C8A: variants seen among roughly 807,000 people sequenced by gnomAD.
C8A encodes complement C8 alpha chain.
C8A carries 67 observed loss-of-function variants against 65.3 expected under a neutral mutation model. The observed-to-expected ratio is 1.03, with a 90% CI of 0.84 to 1.26. C8A has a LOEUF of 1.26. Among genes scored for constraint, C8A ranks in the 50% most tolerant of loss-of-function variants. C8A has a pLI of 0.00. For missense variants in C8A, 781 were observed against 723.9 expected (o/e 1.08, Z -0.90); for synonymous variants, 290 against 259.4 (o/e 1.12, Z -1.13).
At chr1:56,879,625 A>G (rs1318711031) in intron 4 of C8A, among the ~76,000 whole-genome samples, 1 of 152,180 alleles carries the variant, frequency 6.6e-6, no homozygotes, top group Admixed American at 6.5e-5. Flanking sequence ...AAATCCAGCT[A>G]TGACTAGAGA....
intron 7 of C8A, among the ~76,000 whole-genome samples, chr1:56,905,975 C>A (rs1644461007): frequency 6.6e-6 from 1 of 152,114 alleles, no homozygotes; most frequent in South Asian, 2.1e-4. Context: ...TCAGTGGGTC[C>A]TCAGATGTAG....
chr1:56,915,505 A>G (rs943989221), intron 10 of C8A, among the ~76,000 whole-genome samples: 1 of 152,224 alleles, frequency 6.6e-6, no homozygotes, highest in Admixed American at 6.5e-5. Context: ...CTTCCCAAGC[A>G]GGGTATGGAC....
In C8A at chr1:56,884,128, T is replaced by C. The variant is rs532595772; in HGVS notation, c.855+447T>C. ...AACCTTCACCATTAAGTGCCTATTATCCTGGGGGGTCAATATATGCTTCCT... is the reference window on the plus strand; with the variant it reads ...AACCTTCACCATTAAGTGCCTATTACCCTGGGGGGTCAATATATGCTTCCT... On this transcript the variant is annotated intron_variant, in intron 6 of 10. Transcript: ENST00000361249. Among the ~76,000 whole-genome samples the C allele has an allele frequency of 1.6e-4, 25 of 151,908 alleles. No individual in the cohort carries two copies. The South Asian group carries it at 5.0e-3, about 30-fold the overall frequency.
chr1:56,875,999 T>C, intron 3 of C8A, 63 bp from the exon 4 acceptor site: 1 of 1,581,778 alleles, frequency 6.3e-7, no homozygotes, highest in Non-Finnish European at 8.6e-7. Flanking sequence ...GACTTACTGA[T>C]TGTGGGTGTG....
intron 1 of C8A, among the ~76,000 whole-genome samples, chr1:56,855,514 A>G (rs1643965273): frequency 6.6e-6 from 1 of 152,146 alleles, no homozygotes; most frequent in Non-Finnish European, 1.5e-5. Flanking sequence ...ATGCTGGGTC[A>G]TTTGATTCTA....
chr1:56,872,746 T>C (rs1431602575), intron 2 of C8A, among the ~76,000 whole-genome samples: 2 of 152,146 alleles, frequency 1.3e-5, no homozygotes. Flanking sequence ...GAAGTCATAG[T>C]TTCATGTAAG....
At chr1:56,875,993 T>C in intron 3 of C8A, 69 bp from the exon 4 acceptor site, 1 of 1,568,768 alleles carries the variant, frequency 6.4e-7, no homozygotes, top group Non-Finnish European at 8.7e-7. Flanking sequence ...AGAAAGGACT[T>C]ACTGATTGTG....
At chr1:56,857,780 T>C (rs1219806945) in intron 1 of C8A, among the ~76,000 whole-genome samples, 2 of 152,042 alleles carry the variant, frequency 1.3e-5, no homozygotes, top group African/African-American at 4.8e-5. Context: ...CTGTGGGTTA[T>C]AGTTTTCATC....
chr1:56,913,978 T>C (rs1318041195), intron 10 of C8A, among the ~76,000 whole-genome samples: 2 of 152,172 alleles, frequency 1.3e-5, no homozygotes, highest in Non-Finnish European at 2.9e-5. Flanking sequence ...AGGATAAGAT[T>C]CTTCTCTGGC....
intron 6 of C8A, among the ~76,000 whole-genome samples, chr1:56,884,841 C>A (rs926958858): frequency 6.6e-6 from 1 of 152,102 alleles, no homozygotes; most frequent in Non-Finnish European, 1.5e-5. Flanking sequence ...GGGGCAGGAG[C>A]CTATCTCATT....
intron 1 of C8A, among the ~76,000 whole-genome samples, chr1:56,864,650 A>C (rs553999871): frequency 6.6e-6 from 1 of 152,194 alleles, no homozygotes; most frequent in Admixed American, 6.5e-5. Flanking sequence ...GAGTTGGATG[A>C]CTCGTTTATA....
At chr1:56,890,079 G>C (rs938431663) in intron 7 of C8A, among the ~76,000 whole-genome samples, 1 of 151,890 alleles carries the variant, frequency 6.6e-6, no homozygotes, top group Non-Finnish European at 1.5e-5. Flanking sequence ...AATGTATTTC[G>C]CATTCTGACT....
Position 56,873,917 on chromosome 1 carries a change from G to C in C8A, c.172-1032G>C, listed in dbSNP as rs71639737. 3.4e-3 allele frequency among the ~76,000 whole-genome samples: 521 copies of C among 152,276 alleles called. 4 individuals carry two copies. The highest frequency in any genetic ancestry group is 0.022 in the South Asian group (108 of 4,812). On this transcript the variant is annotated intron_variant, in intron 2 of 10. Transcript: ENST00000361249. The stretch of plus-strand genomic sequence containing the variant: ...TTTTCAGCTTCCTTCTTCTACGCTA[G>C]TGCCTGACACTGTACACTATATAGA...
rs147281350 is a variant in C8A at position 56,908,069 on chromosome 1, T to C, written c.1336T>C (p.Trp446Arg). Residue 446 changes from tryptophan to arginine, a missense_variant, in exon 9 of 11, where the codon TGG (tryptophan) becomes CGG (arginine). Transcript: ENST00000361249. ...QNRSTITYRSWGRSLKYNPVV... is the reference protein window; with the variant it reads ...QNRSTITYRSRGRSLKYNPVV... ...CAGGAGCACCATTACATACCGTTCC[T>C]GGGGGAGGTCATTAAAGTATAATCC... 5.0e-5 allele frequency: 80 copies of C among 1,614,156 alleles called. No individual in the cohort carries two copies. In the Middle Eastern group the frequency reaches 6.6e-4, roughly 13 times the overall value.
intron 4 of C8A, among the ~76,000 whole-genome samples, chr1:56,876,743 A>G (rs544661308): frequency 6.6e-6 from 1 of 152,166 alleles, no homozygotes; most frequent in East Asian, 2.0e-4. Flanking sequence ...GTTGAGATGA[A>G]ATCAGCCTTG....
intron 2 of C8A, among the ~76,000 whole-genome samples, chr1:56,873,399 C>T (rs892692371): frequency 6.6e-6 from 1 of 152,148 alleles, no homozygotes; most frequent in African/African-American, 2.4e-5. Context: ...AAGACAGAAG[C>T]TCAGAAAAGG....
chr1:56,856,314 T>G (rs548331057), intron 1 of C8A, among the ~76,000 whole-genome samples: 79 of 152,242 alleles, frequency 5.2e-4, no homozygotes, highest in Non-Finnish European at 9.3e-4. Flanking sequence ...AGCTTCATTT[T>G]CCTTACCTGT....
intron 2 of C8A, among the ~76,000 whole-genome samples, chr1:56,870,612 G>T (rs1359469660): frequency 6.6e-6 from 1 of 150,682 alleles, no homozygotes; most frequent in Non-Finnish European, 1.5e-5. Flanking sequence ...ACGTTTACAG[G>T]TTCCATAAAT....
At chr1:56,902,263 C>T (rs924718412) in intron 7 of C8A, among the ~76,000 whole-genome samples, 5 of 152,134 alleles carry the variant, frequency 3.3e-5, no homozygotes, top group Non-Finnish European at 7.4e-5. Context: ...TAGCTTTTGG[C>T]CTTTGGGTCC....
Sources: allele counts gnomAD v4.1 joint callset (sites outside exome capture counted in the v4.1 genomes callset), GRCh38; gene constraint gnomAD v4.1.1; transcripts MANE v1.5; gene names NCBI Gene and HGNC (gene_info 2026-07-23, HGNC 2026-07-21).